Variants in SETD4 observed in about 807,000 individuals in gnomAD.
SETD4 encodes the protein SET domain containing 4, also known as SET domain-containing protein 4.
SETD4 carries 46 observed loss-of-function variants against 58.3 expected under a neutral mutation model. The ratio of observed to expected loss-of-function variants is 0.79; its 90% CI spans 0.62 to 1.01. The LOEUF (loss-of-function observed/expected upper bound fraction) is 1.01. Among genes scored for constraint, SETD4 ranks in the 50% least tolerant of loss-of-function variants. The probability of loss-of-function intolerance (pLI) is 0.00; values close to 1 mark genes in which losing one functional copy is unlikely to be tolerated. For missense variants in SETD4, 490 were observed against 523.3 expected, an observed-to-expected ratio of 0.94 and a Z score of 0.62; for synonymous variants, 190 against 202.6, an observed-to-expected ratio of 0.94 and a Z score of 0.53.
intron 9 of SETD4, among the ~76,000 whole-genome samples, chr21:36,040,054 G>T (rs1407030118): frequency 5.9e-5 from 9 of 152,112 alleles, no homozygotes; most frequent in Non-Finnish European, 7.3e-5. Context: ...TGTCGACAGG[G>T]GGCTGCAGGG....
chr21:36,058,948 C>T (rs1354980581), intron 1 of SETD4, 24 bp from the exon 2 acceptor site: 4 of 1,519,052 alleles, frequency 2.6e-6, no homozygotes, highest in Non-Finnish European at 3.5e-6. Context: ...AAGGACAAAA[C>T]TGTAATTTCT....
At chr21:36,043,692 T>C in intron 7 of SETD4, 90 bp downstream of exon 7, 2 of 1,552,400 alleles carry the variant, frequency 1.3e-6, no homozygotes, top group Non-Finnish European at 1.7e-6. Flanking sequence ...TCTTAAGGTT[T>C]TGATATTTTT....
chr21:36,038,473 G>A (rs1052130250), intron 9 of SETD4, among the ~76,000 whole-genome samples, 200 bp from the exon 10 acceptor site: 1 of 152,162 alleles, frequency 6.6e-6, no homozygotes, highest in African/African-American at 2.4e-5. Flanking sequence ...AGGAGGAGGA[G>A]GAGCTGAGAA....
chr21:36,054,154 T>C (rs2064862397), intron 3 of SETD4, among the ~76,000 whole-genome samples: 1 of 152,210 alleles, frequency 6.6e-6, no homozygotes, highest in Non-Finnish European at 1.5e-5. Context: ...CTCCATGACC[T>C]GGTGAGCTCA....
chr21:36,053,365 C>G, intron 4 of SETD4: 1 of 598,324 alleles, frequency 1.7e-6, no homozygotes, highest in Non-Finnish European at 3.0e-6. Context: ...TGAGTGAGAA[C>G]AAAATAAATT....
intron 5 of SETD4, 52 bp from the exon 6 acceptor site, chr21:36,046,063 A>T: frequency 6.4e-7 from 1 of 1,573,592 alleles, no homozygotes; most frequent in Non-Finnish European, 8.6e-7. Flanking sequence ...CAAAATACGA[A>T]ATAAGCCAAG....
At chr21:36,059,788 C>T in intron 1 of SETD4, 1 of 985,458 alleles carries the variant, frequency 1.0e-6, no homozygotes, top group Non-Finnish European at 1.2e-6. Context: ...AATATTAATA[C>T]CGCACTTCCG....
At chr21:36,038,353 C>A in intron 9 of SETD4, 80 bp from the exon 10 acceptor site, 1 of 1,489,220 alleles carries the variant, frequency 6.7e-7, no homozygotes. Flanking sequence ...AACACATAAA[C>A]TCCTTCTCCT....
At chr21:36,039,966 C>A (rs1369219431) in intron 9 of SETD4, among the ~76,000 whole-genome samples, 1 of 152,210 alleles carries the variant, frequency 6.6e-6, no homozygotes, top group Non-Finnish European at 1.5e-5. Flanking sequence ...TATCTAGCAG[C>A]AGAAGGTTGA....
At chr21:36,043,425 T>C in intron 7 of SETD4, 5 of 1,022,446 alleles carry the variant, frequency 4.9e-6, no homozygotes, top group Non-Finnish European at 5.9e-6. Context: ...TAATAAATAT[T>C]TTTTATTCAT....
At chr21:36,046,772 T>C (rs2064351357) in intron 5 of SETD4, among the ~76,000 whole-genome samples, 1 of 152,252 alleles carries the variant, frequency 6.6e-6, no homozygotes, top group African/African-American at 2.4e-5. Context: ...TGAATGTATT[T>C]AGAAAGTTTT....
chr21:36,056,818 A>G (rs1031856348), intron 3 of SETD4, among the ~76,000 whole-genome samples: 27 of 152,156 alleles, frequency 1.8e-4, no homozygotes, highest in Non-Finnish European at 4.4e-5. Context: ...TCAGCCTCCC[A>G]AAGTGCTGGG....
intron 9 of SETD4, among the ~76,000 whole-genome samples, chr21:36,040,134 C>T (rs1377321483): frequency 6.6e-6 from 1 of 152,204 alleles, no homozygotes; most frequent in African/African-American, 2.4e-5. Flanking sequence ...GGGGGCTCCC[C>T]GACCTGCCTC....
At chr21:36,050,941 G>A (rs2064648421) in intron 4 of SETD4, 3 of 1,608,040 alleles carry the variant, frequency 1.9e-6, no homozygotes, top group Middle Eastern at 1.6e-4. Flanking sequence ...TGTTCATTGA[G>A]TGAACAAGGG....
At chr21:36,040,953 G>C (rs1204912349) in intron 8 of SETD4, among the ~76,000 whole-genome samples, 1 of 152,000 alleles carries the variant, frequency 6.6e-6, no homozygotes. Flanking sequence ...GAGGTCAGGA[G>C]ATCGAGACCA....
chr21:36,047,295 T>G (rs2835251), intron 5 of SETD4, among the ~76,000 whole-genome samples: 2 of 152,106 alleles, frequency 1.3e-5, no homozygotes, highest in African/African-American at 4.8e-5. Flanking sequence ...TCAACCCTTG[T>G]ATTTAGAAAT....
At chr21:36,044,972 G>A (rs574312139) in intron 6 of SETD4, among the ~76,000 whole-genome samples, 2 of 152,292 alleles carry the variant, frequency 1.3e-5, no homozygotes, top group East Asian at 1.9e-4. Flanking sequence ...TGGGGAGGAG[G>A]CGATCTGTGA....
Position 36,043,909 on chromosome 21 carries a change from C to A in SETD4, c.774G>T (p.Thr258=). 1 of 1,614,174 alleles carries A rather than the reference C, an allele frequency of 6.2e-7. No homozygotes were observed. Among genetic ancestry groups the A allele is most frequent in the Middle Eastern group, 1.6e-4 (1 of 6,062 alleles). Residue 258 remains threonine (T), a synonymous_variant, in exon 7 of 12, where the codon ACG becomes ACT. Coordinates refer to ENST00000332131, the MANE Select transcript of SETD4 (RefSeq NM_017438.5). ...NEETHSYEIR[T]TSRWRKHEEV... ...CTTCATGCTTTCTCCAACGTGAAGT[C>A]GTTCTAATTTCGTAAGAATGAGTTT...
intron 4 of SETD4, chr21:36,050,269 G>A: frequency 6.4e-7 from 1 of 1,562,672 alleles, no homozygotes; most frequent in Non-Finnish European, 8.8e-7. Context: ...TGTCCCATCA[G>A]GGAAGACTAT....
Sources: allele counts gnomAD v4.1 joint callset (sites outside exome capture counted in the v4.1 genomes callset), GRCh38; gene constraint gnomAD v4.1.1; transcripts MANE v1.5; gene names NCBI Gene and HGNC (gene_info 2026-07-23, HGNC 2026-07-21).